Variants in PHACTR2 observed in about 807,000 individuals in gnomAD.
PHACTR2 encodes the protein phosphatase and actin regulator 2, also known as chromosome 6 open reading frame 56.
PHACTR2 carries 30 observed loss-of-function variants against 76.0 expected under a neutral mutation model. The observed-to-expected ratio is 0.39, with a 90% CI of 0.30 to 0.54. The LOEUF (loss-of-function observed/expected upper bound fraction) is 0.54, where lower values mean the gene tolerates loss of function less well. Among genes scored for constraint, PHACTR2 ranks in the 20% least tolerant of loss-of-function variants. The pLI is 0.61. For synonymous variants in PHACTR2, 292 were observed against 292.5 expected (o/e 1.00, Z 0.02); for missense variants, 696 against 781.1 (o/e 0.89, Z 1.30).
intron 1 of PHACTR2, among the ~76,000 whole-genome samples, chr6:143,669,655 T>C (rs1777111440): frequency 6.6e-6 from 1 of 152,248 alleles, no homozygotes; most frequent in Non-Finnish European, 1.5e-5. Context: ...TTGATCTTTG[T>C]TGGTTTAAAG....
At chr6:143,604,113 A>AG (rs1479055132), upstream of PHACTR2, among the ~76,000 whole-genome samples, 5 of 151,362 alleles carry the variant, frequency 3.3e-5, no homozygotes, top group African/African-American at 1.2e-4. Flanking sequence ...AAAAAAAAAA[A>AG]AGAGAAAAGA....
intron 1 of PHACTR2, among the ~76,000 whole-genome samples, chr6:143,629,651 T>C (rs1776325956): frequency 6.6e-6 from 1 of 152,022 alleles, no homozygotes; most frequent in Non-Finnish European, 1.5e-5. Context: ...GCTTGAAATA[T>C]TGTGTCACGG....
rs1480192135 is a variant in PHACTR2, at chr6:143,578,281, A to G, written c.217+41074A>G. 1.3e-5 allele frequency among the ~76,000 whole-genome samples: 2 copies of G among 152,156 alleles called. No homozygotes were observed. Among genetic ancestry groups the G allele is most frequent in the Non-Finnish European group, 2.9e-5 (2 of 68,026 alleles). ...TTAGCAGTTCCCCTTTGTCAGTGCAATGCCTCATCCTCCATGTTTCCCCTT... is the reference window on the plus strand; with the variant it reads ...TTAGCAGTTCCCCTTTGTCAGTGCAGTGCCTCATCCTCCATGTTTCCCCTT... On this transcript the variant is annotated intron_variant, in intron 1 of 11. Transcript: ENST00000367584. The surrounding 1 kb of genome is among the most constrained non-coding windows in gnomAD (Gnocchi z 4.5).
intron 1 of PHACTR2, among the ~76,000 whole-genome samples, chr6:143,544,919 A>G (rs1425406245): frequency 6.6e-6 from 1 of 151,682 alleles, no homozygotes; most frequent in Non-Finnish European, 1.5e-5. Context: ...GGGGATTTCC[A>G]AAATTTAAAA....
At position 143,800,265 on chromosome 6, in the gene PHACTR2, A is replaced by AT. The variant is rs1173412529; in HGVS notation, c.1846-6786dup. ...CTTCCTCCATCCCTTTATTTTTTTT[A>AT]TTTTTTATTTTTTTGAGACCGAGTC... On this transcript the variant is annotated intron_variant, in intron 11 of 12. Coordinates refer to ENST00000440869, the MANE Select transcript of PHACTR2 (RefSeq NM_001100164.2). This position sits in a 1 kb window ranked among gnomAD's most constrained non-coding sequence, Gnocchi z 4.8. Among the ~76,000 whole-genome samples, 1 of 149,340 alleles carries AT rather than the reference A, an allele frequency of 6.7e-6. No individual in the cohort carries two copies. Among genetic ancestry groups the AT allele is most frequent in the Non-Finnish European group, 1.5e-5 (1 of 67,050 alleles).
rs977864516 is a variant in PHACTR2 at position 143,554,638 on chromosome 6, A to G, written c.217+17431A>G. On this transcript the variant is annotated intron_variant, in intron 1 of 11. Transcript: ENST00000367584. This position sits in a 1 kb window ranked among gnomAD's most constrained non-coding sequence, Gnocchi z 5.9. ...TCGATTGAGGGTGGGAGTTCTCGGT[A>G]AACCAATTTAGCAGGGCTTTTGTTA... 6.6e-6 allele frequency: 1 copy of G among 152,224 alleles called. No homozygotes were observed. Among genetic ancestry groups the G allele is most frequent in the Admixed American group, 6.5e-5 (1 of 15,280 alleles). 9.4% of individuals were successfully genotyped at this position (152,224 alleles called of 1,614,324 possible).
chr6:143,623,987 T>TA lies in PHACTR2; in HGVS notation c.13+15666dup, dbSNP rs1183022058. Among the ~76,000 whole-genome samples the TA allele has an allele frequency of 2.0e-5, 3 of 152,168 alleles. No individual in the cohort carries two copies. Among genetic ancestry groups the TA allele is most frequent in the Non-Finnish European group, 4.4e-5 (3 of 68,028 alleles). ...CCCCAGAGTAACTTGGGGTGAGTGA[T>TA]ATGAAGACCCTGCCTCCCCACCCAC... On this transcript the variant is annotated intron_variant, in intron 1 of 11. Coordinates refer to the PHACTR2 transcript ENST00000305766. This position sits in a 1 kb window ranked among gnomAD's most constrained non-coding sequence, Gnocchi z 5.9.
chr6:143,584,539 C>T (rs1416885120), intron 1 of PHACTR2, among the ~76,000 whole-genome samples: 1 of 152,178 alleles, frequency 6.6e-6, no homozygotes, highest in Non-Finnish European at 1.5e-5. Flanking sequence ...CCCTGGAGAG[C>T]CTAAGGTACA....
intron 11 of PHACTR2, among the ~76,000 whole-genome samples, chr6:143,802,371 G>C (rs1775977403): frequency 1.3e-5 from 2 of 152,050 alleles, no homozygotes; most frequent in Admixed American, 1.3e-4. Context: ...GGGTGTGGTG[G>C]CTCATGGCTG....
rs533145861 is a variant in PHACTR2 at position 143,648,872 on chromosome 6, A to G, written c.13+40550A>G. 2.8e-4 allele frequency among the ~76,000 whole-genome samples: 39 copies of G among 137,302 alleles called. No individual in the cohort carries two copies. Among genetic ancestry groups the G allele is most frequent in the Admixed American group, 8.8e-4 (12 of 13,674 alleles). The allele number at this position is 137,302 out of a possible 152,430, so 90.1% of individuals were successfully genotyped here. ...TATGTGTCCATGTGTGTGTCTATGC[A>G]TATGTGTCTATGTATGTTTGTGTGT... On this transcript the variant is annotated intron_variant, in intron 1 of 11. Coordinates refer to the PHACTR2 transcript ENST00000305766. The surrounding 1 kb of genome is among the most constrained non-coding windows in gnomAD (Gnocchi z 6.7).
chr6:143,593,046 CAAAAA>C (rs67052242), intron 1 of PHACTR2, among the ~76,000 whole-genome samples: 1 of 78,882 alleles, frequency 1.3e-5, no homozygotes, highest in African/African-American at 5.0e-5. Context: ...GACCCTGCCT[CAAAAA>C]AAAAAAAAAA....
rs1324366906 is a variant in PHACTR2 at position 143,619,403 on chromosome 6, T to G, written c.13+11081T>G. On this transcript the variant is annotated intron_variant, in intron 1 of 11. Coordinates refer to the PHACTR2 transcript ENST00000305766. The surrounding 1 kb of genome is among the most constrained non-coding windows in gnomAD (Gnocchi z 4.5). The stretch of plus-strand genomic sequence containing the variant: ...CCACTCAGACAAAATAGGTTTCTAC[T>G]GTTTCGTGTGCTATTAAGATACTTG... Among the ~76,000 whole-genome samples, 3 of 152,254 alleles carry G rather than the reference T, an allele frequency of 2.0e-5. No individual in the cohort carries two copies. Among genetic ancestry groups the G allele is most frequent in the African/African-American group, 7.2e-5 (3 of 41,466 alleles).
intron 1 of PHACTR2, among the ~76,000 whole-genome samples, chr6:143,574,360 T>C (rs1582679900): frequency 6.6e-6 from 1 of 152,190 alleles, no homozygotes; most frequent in African/African-American, 2.4e-5. Context: ...ACAAGTTTCA[T>C]TTACACTCAA....
rs957777072 is a variant in PHACTR2 at position 143,820,667 on chromosome 6, C to T, written c.1923-3007C>T. On this transcript the variant is annotated intron_variant, in intron 12 of 12. Transcript: ENST00000440869. This position sits in a 1 kb window ranked among gnomAD's most constrained non-coding sequence, Gnocchi z 4.2. ...TGAATGTCTGTGGCTTTTCCAGGCACAGGGTGCAAGCTGCCAGTGGATCTA... is the reference window on the plus strand; with the variant it reads ...TGAATGTCTGTGGCTTTTCCAGGCATAGGGTGCAAGCTGCCAGTGGATCTA... 1.3e-5 allele frequency among the ~76,000 whole-genome samples: 2 copies of T among 152,250 alleles called. No individual in the cohort carries two copies. The highest frequency in any genetic ancestry group is 1.3e-4 in the Admixed American group (2 of 15,288).
Position 143,537,127 on chromosome 6 carries a change from GC to G in PHACTR2, c.142del (p.Arg48AlafsTer34). On this transcript the variant is annotated frameshift_variant, in exon 1 of 12. Coordinates refer to the PHACTR2 transcript ENST00000367584. LOFTEE classifies it high-confidence loss of function. This position sits in a 1 kb window ranked among gnomAD's most constrained non-coding sequence, Gnocchi z 4.4. ...CTGCGCTGGCTTCCCGGGGACCCGA[GC>G]CCCCGCGGCCGCTCACAGAGCGACC... is the stretch of plus-strand genomic sequence containing the variant. The G allele has an allele frequency of 4.5e-5, 14 of 312,984 alleles. No homozygotes were observed. Among genetic ancestry groups the G allele is most frequent in the South Asian group, 7.4e-5 (2 of 26,856 alleles). The allele number at this position is 312,984 out of a possible 1,614,324, so 19.4% of individuals were successfully genotyped here.
chr6:143,578,989 C>T lies in PHACTR2; in HGVS notation c.217+41782C>T, dbSNP rs996879550. 1.1e-4 allele frequency among the ~76,000 whole-genome samples: 16 copies of T among 152,094 alleles called. No homozygotes were observed. The East Asian group carries it at 1.2e-3, about 11-fold the overall frequency. ...CGTGATCACAGCTCACTGCAACCTCCGTCTCCCGGGTTCAAGCCATCCTCC... is the reference window on the plus strand; with the variant it reads ...CGTGATCACAGCTCACTGCAACCTCTGTCTCCCGGGTTCAAGCCATCCTCC... On this transcript the variant is annotated intron_variant, in intron 1 of 11. Transcript: ENST00000367584. This position sits in a 1 kb window ranked among gnomAD's most constrained non-coding sequence, Gnocchi z 4.5.
chr6:143,660,375 A>C (rs1776927955), intron 1 of PHACTR2, among the ~76,000 whole-genome samples: 1 of 152,186 alleles, frequency 6.6e-6, no homozygotes, highest in African/African-American at 2.4e-5. Context: ...GAGCTTGTGC[A>C]GGGAAACTCC....
rs572963374 is a variant in PHACTR2, at chr6:143,794,864, T to C, written c.1845+5954T>C. Among the ~76,000 whole-genome samples, 12 of 152,242 alleles carry C rather than the reference T, an allele frequency of 7.9e-5. No homozygotes were observed. In the South Asian group the frequency reaches 2.3e-3, roughly 29 times the overall value. On this transcript the variant is annotated intron_variant, in intron 11 of 12. Transcript: ENST00000440869. The surrounding 1 kb of genome is among the most constrained non-coding windows in gnomAD (Gnocchi z 4.1). The stretch of plus-strand genomic sequence containing the variant: ...TCCTTTCAGCCTAAAGGAGACATCT[T>C]TTTTCTTTCTCTTATCTTAGTGCCA...
rs776593214 is a variant in PHACTR2 at position 143,647,813 on chromosome 6, G to A, written c.13+39491G>A. Among the ~76,000 whole-genome samples, 2 of 152,164 alleles carry A rather than the reference G, an allele frequency of 1.3e-5. No homozygotes were observed. The highest frequency in any genetic ancestry group is 2.4e-5 in the African/African-American group (1 of 41,432). On this transcript the variant is annotated intron_variant, in intron 1 of 11. Coordinates refer to the PHACTR2 transcript ENST00000305766. This position sits in a 1 kb window ranked among gnomAD's most constrained non-coding sequence, Gnocchi z 4.2. ...TGAGAACCACAAAAAAAGCCAGTGT[G>A]GCTGGAAAGGGCAGGTAAGGGAGAG...
Sources: gnomAD v4.1 joint callset for allele counts (sites outside exome capture counted in the v4.1 genomes callset) on GRCh38, gnomAD v4.1.1 for gene constraint, Gnocchi (gnomAD v3.1) non-coding constraint, MANE v1.5 for transcripts, NCBI Gene and HGNC (gene_info 2026-07-23, HGNC 2026-07-21) for gene names.